The following CNOT10 variants were observed in gnomAD, a reference collection of about 807,000 sequenced individuals.
The protein encoded by CNOT10 is CCR4-NOT transcription complex subunit 10.
Under a neutral mutation model 94.6 loss-of-function variants are expected in CNOT10, and 30 were observed. The observed-to-expected ratio is 0.32, with a 90% confidence interval of 0.24 to 0.43. The LOEUF (loss-of-function observed/expected upper bound fraction) is 0.43, where lower values mean the gene tolerates loss of function less well. CNOT10 is among the 20% of genes least tolerant of loss of function. CNOT10 has a pLI of 1.00. For missense variants in CNOT10, 759 were observed against 877.2 expected, an observed-to-expected ratio of 0.87 and a Z score of 1.70; for synonymous variants, 289 against 301.6, an observed-to-expected ratio of 0.96 and a Z score of 0.43.
Position 32,771,308 on chromosome 3 carries a change from AAAT to A in CNOT10, c.2080+1354_2080+1356del, listed in dbSNP as rs1357509087. On this transcript the variant is annotated intron_variant, in intron 18 of 18. Transcript: ENST00000328834. Reference sequence around the variant, plus strand: ...TGCCAGAATAAGACCTTGTCTAAAAAAATAATAATAGGCCGGGCACAGTGGCTC... The same window carrying A: ...TGCCAGAATAAGACCTTGTCTAAAAAAATAATAGGCCGGGCACAGTGGCTC... Among the ~76,000 whole-genome samples the A allele has an allele frequency of 4.6e-5, 7 of 152,086 alleles. No homozygotes were observed. In the South Asian group the frequency reaches 1.2e-3, roughly 27 times the overall value.
chr3:32,742,587 G>A (rs547107085), intron 13 of CNOT10, among the ~76,000 whole-genome samples: 1 of 152,250 alleles, frequency 6.6e-6, no homozygotes, highest in South Asian at 2.1e-4. Context: ...TCACCATGTT[G>A]GTCAGGCCGG....
chr3:32,695,968 A>AGTGTGTGTGTGTGTGTGT (rs764702440), intron 1 of CNOT10: 9 of 433,160 alleles, frequency 2.1e-5, no homozygotes, highest in African/African-American at 1.2e-4. Context: ...TGTTGAAGAG[A>AGTGTGTGTGTGTGTGTGT]GTGTGTGTGT....
In CNOT10 at chr3:32,714,435, G is replaced by A. The variant is rs542407412; in HGVS notation, c.573+1066G>A. Among the ~76,000 whole-genome samples, 5 of 151,328 alleles carry A rather than the reference G, an allele frequency of 3.3e-5. No individual in the cohort carries two copies. The East Asian group carries it at 7.7e-4, about 23-fold the overall frequency. On this transcript the variant is annotated intron_variant, in intron 5 of 18. Transcript: ENST00000328834. ...AAAAAAAAAAAATACATGGCTGGGCGTGGTAGCTCACACCTGTAATCCCAG... is the reference window on the plus strand; with the variant it reads ...AAAAAAAAAAAATACATGGCTGGGCATGGTAGCTCACACCTGTAATCCCAG...
chr3:32,695,503 A>G (rs1467396397), intron 1 of CNOT10: 13 of 1,405,340 alleles, frequency 9.3e-6, no homozygotes, highest in South Asian at 1.4e-5. Context: ...TCAGATTTGA[A>G]TGATTAACAT....
Position 32,759,514 on chromosome 3 carries a change from T to C in CNOT10, c.1652T>C (p.Met551Thr). The C allele has an allele frequency of 6.2e-7, 1 of 1,614,158 alleles. No individual in the cohort carries two copies. The highest frequency in any genetic ancestry group is 8.5e-7 in the Non-Finnish European group (1 of 1,180,008). Residue 551 changes from methionine to threonine, a missense_variant, in exon 14 of 19, where the codon ATG becomes ACG. Physicochemically the swap from Met to Thr is moderately conservative, Grantham distance 81. Around this residue, in one of 3 missense-constraint regions of CNOT10, gnomAD observed 682 missense variants for 799.4 expected, o/e 0.85. Coordinates refer to ENST00000328834, the MANE Select transcript of CNOT10 (RefSeq NM_015442.3). ...GCTCTGGCTTTGGGTGATAACCTCA[T>C]GGCTTTGAATCATGCAGATAAACTT... Reference protein sequence around the residue: ...YVALALGDNLMALNHADKLLQ... With the variant: ...YVALALGDNLTALNHADKLLQ...
chr3:32,755,768 T>TC (rs1395618701), intron 13 of CNOT10, among the ~76,000 whole-genome samples: 1 of 151,836 alleles, frequency 6.6e-6, no homozygotes, highest in Non-Finnish European at 1.5e-5. Context: ...TTTTTTTTTT[T>TC]TTTCTTCTTT....
rs189142303 is a variant in CNOT10 at position 32,773,617 on chromosome 3, C to G, written c.*6C>G. ...CCACTGTGCAGAGAAAGTGATACTTCACTTTTGGAAAACTGTTACCTGAGA... is the reference window on the plus strand; with the variant it reads ...CCACTGTGCAGAGAAAGTGATACTTGACTTTTGGAAAACTGTTACCTGAGA... On this transcript the variant is annotated 3_prime_UTR_variant, in exon 19 of 19. Transcript: ENST00000328834. 8.1e-6 allele frequency: 13 copies of G among 1,602,154 alleles called. No individual in the cohort carries two copies. In the Admixed American group the frequency reaches 1.0e-4, roughly 13 times the overall value.
intron 1 of CNOT10, among the ~76,000 whole-genome samples, chr3:32,692,936 T>C (rs1696910054): frequency 6.6e-6 from 1 of 152,004 alleles, no homozygotes; most frequent in Admixed American, 6.6e-5. Flanking sequence ...TCCCAGCTAC[T>C]TGGGAGGCTG....
chr3:32,751,802 C>G (rs1375369185), intron 13 of CNOT10, among the ~76,000 whole-genome samples: 2 of 152,182 alleles, frequency 1.3e-5, no homozygotes, highest in African/African-American at 4.8e-5. Flanking sequence ...GATCCAGCCC[C>G]ATTTCAGTCT....
intron 8 of CNOT10, among the ~76,000 whole-genome samples, chr3:32,721,079 TGACAG>T (rs1698383340): frequency 7.5e-6 from 1 of 132,536 alleles, no homozygotes. Flanking sequence ...TTTTTTTTTT[TGACAG>T]AGTCTTGCTC....
At chr3:32,759,965 G>A (rs1046513592) in intron 14 of CNOT10, among the ~76,000 whole-genome samples, 5 of 151,122 alleles carry the variant, frequency 3.3e-5, no homozygotes, top group Non-Finnish European at 5.9e-5. Flanking sequence ...GGCAAATCAC[G>A]AGGTCAGGAG....
chr3:32,711,787 G>C (rs1241022798), intron 4 of CNOT10, among the ~76,000 whole-genome samples: 1 of 152,176 alleles, frequency 6.6e-6, no homozygotes. Flanking sequence ...ACTGGAGCTA[G>C]GTAAGGAGGA....
At chr3:32,719,326 A>G (rs1698267569) in intron 7 of CNOT10, among the ~76,000 whole-genome samples, 1 of 152,236 alleles carries the variant, frequency 6.6e-6, no homozygotes, top group Non-Finnish European at 1.5e-5. Flanking sequence ...AGGCTGAGGC[A>G]GGAGAATTGT....
At chr3:32,727,929 TG>T in intron 10 of CNOT10, 59 bp downstream of exon 10, 3 of 1,145,320 alleles carry the variant, frequency 2.6e-6, no homozygotes, top group Non-Finnish European at 3.7e-6. Context: ...CTACATGGAA[TG>T]GTTAAAAAAA....
intron 1 of CNOT10, 93 bp from the exon 2 acceptor site, chr3:32,703,775 G>A: frequency 1.3e-6 from 1 of 787,250 alleles, no homozygotes; most frequent in Non-Finnish European, 2.1e-6. Flanking sequence ...ACTTGACCTT[G>A]GGTAACTGAA....
chr3:32,710,127 A>G (rs1161727421), intron 4 of CNOT10, among the ~76,000 whole-genome samples: 1 of 146,226 alleles, frequency 6.8e-6, no homozygotes, highest in African/African-American at 2.6e-5. Context: ...AGCCTGAGCA[A>G]CAAGAGCAAA....
chr3:32,709,963 A>C (rs934680732), intron 4 of CNOT10, among the ~76,000 whole-genome samples: 2 of 152,102 alleles, frequency 1.3e-5, no homozygotes, highest in African/African-American at 2.4e-5. Context: ...CCTGATCAAC[A>C]TGGGGAAACC....
At chr3:32,727,979 TTTTATTTA>T (rs150924656) in intron 10 of CNOT10, 109 bp downstream of exon 10, 16 of 570,390 alleles carry the variant, frequency 2.8e-5, no homozygotes, top group African/African-American at 1.0e-4. Context: ...ACATTTCTCT[TTTTATTTA>T]TTTATTTATT....
chr3:32,728,833 G>T (rs1698802021), intron 10 of CNOT10, among the ~76,000 whole-genome samples: 1 of 151,994 alleles, frequency 6.6e-6, no homozygotes, highest in Non-Finnish European at 1.5e-5. Flanking sequence ...CAGGTGCGGT[G>T]GTCACGCCTG....
Sources: allele counts gnomAD v4.1 joint callset (sites outside exome capture counted in the v4.1 genomes callset), GRCh38; gene constraint gnomAD v4.1.1; regional missense constraint gnomAD v4.1.1; transcripts MANE v1.5; gene names NCBI Gene and HGNC (gene_info 2026-07-23, HGNC 2026-07-21).